Variants in SWAP70 observed in about 807,000 individuals in gnomAD.
SWAP70 encodes the protein switching B cell complex subunit SWAP70.
SWAP70 carries 34 observed loss-of-function variants against 80.2 expected under a neutral mutation model. The observed-to-expected ratio is 0.42, with a 90% CI of 0.32 to 0.56. The LOEUF (loss-of-function observed/expected upper bound fraction) is 0.56, where lower values mean the gene tolerates loss of function less well. Ranked by LOEUF, SWAP70 falls within the 20% of genes least tolerant of loss-of-function variation. SWAP70 has a pLI of 0.09. For missense variants in SWAP70, 578 were observed against 690.7 expected (o/e 0.84, Z 1.83); for synonymous variants, 239 against 238.5 (o/e 1.00, Z -0.02).
At chr11:9,665,737 A>G (rs1190557344) in intron 1 of SWAP70, among the ~76,000 whole-genome samples, 5 of 152,330 alleles carry the variant, frequency 3.3e-5, no homozygotes, top group East Asian at 1.9e-4. Context: ...GTAATATTCT[A>G]TTGCATGGAT....
At chr11:9,670,920 A>G (rs1471258169) in intron 1 of SWAP70, among the ~76,000 whole-genome samples, 1 of 150,484 alleles carries the variant, frequency 6.6e-6, no homozygotes, top group Non-Finnish European at 1.5e-5. Flanking sequence ...CACCTGGCTA[A>G]TTTTTTATAT....
At chr11:9,669,482 G>A (rs1011553624) in intron 1 of SWAP70, among the ~76,000 whole-genome samples, 13 of 152,224 alleles carry the variant, frequency 8.5e-5, no homozygotes, top group Non-Finnish European at 1.9e-4. Flanking sequence ...CACCTGCCTC[G>A]GTCACCCAAA....
intron 1 of SWAP70, among the ~76,000 whole-genome samples, chr11:9,677,408 T>C (rs1850515111): frequency 6.6e-6 from 1 of 152,132 alleles, no homozygotes; most frequent in Admixed American, 6.5e-5. Flanking sequence ...TATAGACACA[T>C]ATAAATTTTA....
rs750416752 is a variant in SWAP70 at position 9,664,288 on chromosome 11, T to G, written c.99+10T>G. ...CAAGTCCCAGCTCAAGGTGGGCGCCTCCTGACCCGGCCCCCCACCCGACCC... is the reference window on the plus strand; with the variant it reads ...CAAGTCCCAGCTCAAGGTGGGCGCCGCCTGACCCGGCCCCCCACCCGACCC... On this transcript the variant is annotated intron_variant, in intron 1 of 11. Coordinates refer to ENST00000318950, the MANE Select transcript of SWAP70 (RefSeq NM_015055.4). The G allele has an allele frequency of 1.3e-6, 2 of 1,556,558 alleles. No individual in the cohort carries two copies. The highest frequency in any genetic ancestry group is 2.7e-5 in the African/African-American group (2 of 72,894).
chr11:9,688,270 G>C lies in SWAP70; in HGVS notation c.100-5876G>C, dbSNP rs185688426. ...GGCATGCAATGTTGTATAAGATATG[G>C]GCCTTTCAGAAATGTACAGTCTTAC... On this transcript the variant is annotated intron_variant, in intron 1 of 11. Coordinates refer to ENST00000318950, the MANE Select transcript of SWAP70 (RefSeq NM_015055.4). Among the ~76,000 whole-genome samples, 377 of 152,332 alleles carry C rather than the reference G, an allele frequency of 2.5e-3. 1 individual carries two copies. Among genetic ancestry groups the C allele is most frequent in the African/African-American group, 8.7e-3 (361 of 41,570 alleles).
At chr11:9,732,220 G>T (rs558270206) in intron 6 of SWAP70, among the ~76,000 whole-genome samples, 1 of 152,272 alleles carries the variant, frequency 6.6e-6, no homozygotes, top group African/African-American at 2.4e-5. Context: ...CCCAGATCGA[G>T]TGTTTCTGAG....
At chr11:9,736,492 A>G (rs1851364851) in intron 7 of SWAP70, among the ~76,000 whole-genome samples, 1 of 139,270 alleles carries the variant, frequency 7.2e-6, no homozygotes, top group South Asian at 2.2e-4. Flanking sequence ...TTCTGATTCC[A>G]CCCCTCTCCC....
At chr11:9,703,964 T>C (rs1850866467) in intron 2 of SWAP70, among the ~76,000 whole-genome samples, 1 of 152,208 alleles carries the variant, frequency 6.6e-6, no homozygotes, top group Non-Finnish European at 1.5e-5. Flanking sequence ...TTTCTCCTTC[T>C]TGGCTCTTGC....
intron 4 of SWAP70, among the ~76,000 whole-genome samples, 155 bp from the exon 5 acceptor site, chr11:9,727,898 C>T (rs1249669468): frequency 6.6e-6 from 1 of 152,098 alleles, no homozygotes; most frequent in Non-Finnish European, 1.5e-5. Flanking sequence ...AGGTGTAATG[C>T]CCCTCCATAG....
intron 8 of SWAP70, among the ~76,000 whole-genome samples, chr11:9,739,279 T>C (rs1255936038): frequency 6.6e-6 from 1 of 152,218 alleles, no homozygotes; most frequent in Non-Finnish European, 1.5e-5. Flanking sequence ...AGTGCCTAAA[T>C]AGATGCATGT....
intron 3 of SWAP70, among the ~76,000 whole-genome samples, chr11:9,714,970 C>CT (rs34803928): frequency 0.018 from 1,939 of 109,988 alleles, 60 homozygotes; most frequent in East Asian, 0.11. Context: ...CCACACCTGC[C>CT]TTTTTTTTTT....
intron 1 of SWAP70, among the ~76,000 whole-genome samples, chr11:9,670,308 T>C (rs2134415129): frequency 1.3e-5 from 2 of 152,298 alleles, no homozygotes; most frequent in East Asian, 1.9e-4. Flanking sequence ...TCAACTACAG[T>C]TGACCAGATG....
At chr11:9,713,029 C>G (rs565531985) in intron 2 of SWAP70, among the ~76,000 whole-genome samples, 18 of 152,250 alleles carry the variant, frequency 1.2e-4, no homozygotes, top group African/African-American at 4.3e-4. Flanking sequence ...AGATAATGTA[C>G]CTGTACTTGG....
intron 4 of SWAP70, among the ~76,000 whole-genome samples, chr11:9,725,553 ATATATATATATATATAT>A (rs1360224154): frequency 1.9e-4 from 4 of 21,582 alleles, no homozygotes; most frequent in African/African-American, 3.8e-4. Flanking sequence ...ATATATATAT[ATATATATATATATATAT>A]TTTTTTTTTT....
At chr11:9,735,385 T>C (rs1342932148) in intron 7 of SWAP70, among the ~76,000 whole-genome samples, 5 of 152,260 alleles carry the variant, frequency 3.3e-5, no homozygotes, top group African/African-American at 1.2e-4. Context: ...TACAACTGTG[T>C]CATTACTTAG....
Position 9,712,341 on chromosome 11 carries a change from A to G in SWAP70, c.241-1125A>G, listed in dbSNP as rs138031914. Among the ~76,000 whole-genome samples, 21 of 152,238 alleles carry G rather than the reference A, an allele frequency of 1.4e-4. No homozygotes were observed. In the East Asian group the frequency reaches 3.5e-3, roughly 25 times the overall value. On this transcript the variant is annotated intron_variant, in intron 2 of 11. Transcript: ENST00000318950. The stretch of plus-strand genomic sequence containing the variant: ...AAATTATACAGTTATATTAAAATTT[A>G]TTTGCATATCTGTTTTCCCTAATAA...
intron 7 of SWAP70, among the ~76,000 whole-genome samples, chr11:9,733,133 A>G (rs1322215839): frequency 3.3e-5 from 5 of 152,042 alleles, no homozygotes; most frequent in Non-Finnish European, 7.4e-5. Context: ...AGTTTTACCT[A>G]CTGTTTGGAG....
At chr11:9,725,856 C>T (rs970503007) in intron 4 of SWAP70, among the ~76,000 whole-genome samples, 24 of 114,710 alleles carry the variant, frequency 2.1e-4, no homozygotes, top group South Asian at 5.1e-4. Flanking sequence ...AGGCGTGAAC[C>T]GCCGCGCCCA....
intron 6 of SWAP70, among the ~76,000 whole-genome samples, chr11:9,730,673 T>G (rs1377616294): frequency 6.6e-6 from 1 of 152,184 alleles, no homozygotes; most frequent in African/African-American, 2.4e-5. Context: ...ATGCAATAGT[T>G]TTTTAATACT....
Sources: gnomAD v4.1 joint callset for allele counts (sites outside exome capture counted in the v4.1 genomes callset) on GRCh38, gnomAD v4.1.1 for gene constraint, MANE v1.5 for transcripts, NCBI Gene and HGNC (gene_info 2026-07-23, HGNC 2026-07-21) for gene names.